Variants in DCDC1 observed in about 807,000 individuals in gnomAD.
DCDC1 encodes the protein doublecortin domain-containing protein 1.
In DCDC1, 200 loss-of-function variants were observed where a neutral mutation model predicts 178.3. The ratio of observed to expected loss-of-function variants is 1.12; its 90% CI spans 1.00 to 1.26. The LOEUF (loss-of-function observed/expected upper bound fraction) is 1.26. DCDC1 is among the 50% of genes most tolerant of loss of function. DCDC1 has a pLI of 0.00. For synonymous variants in DCDC1, 690 were observed against 604.8 expected (o/e 1.14, Z -2.07); for missense variants, 1,983 against 1,749.2 (o/e 1.13, Z -2.38).
chr11:31,306,480 A>T (rs998655888), intron 4 of DCDC1, 92 bp from the exon 5 acceptor site: 23 of 1,334,266 alleles, frequency 1.7e-5, no homozygotes, highest in Non-Finnish European at 2.2e-5. Context: ...AACAGATATA[A>T]GCACTAAAGA....
chr11:31,109,233 C>T (rs1591073494), intron 12 of DCDC1, among the ~76,000 whole-genome samples: 1 of 151,950 alleles, frequency 6.6e-6, no homozygotes, highest in African/African-American at 2.4e-5. Flanking sequence ...ATCCCCCCAC[C>T]TCAGCCCCCG....
intron 20 of DCDC1, among the ~76,000 whole-genome samples, chr11:31,011,750 C>G (rs777722736): frequency 2.0e-5 from 3 of 152,164 alleles, no homozygotes; most frequent in Non-Finnish European, 4.4e-5. Context: ...TCACACACCA[C>G]AAGACATGTC....
chr11:30,892,391 T>C (rs1943857251), intron 36 of DCDC1, among the ~76,000 whole-genome samples: 1 of 152,106 alleles, frequency 6.6e-6, no homozygotes, highest in African/African-American at 2.4e-5. Flanking sequence ...TAAAAAAAGT[T>C]ACTCTTGTGA....
chr11:31,061,580 G>A (rs896882204), intron 20 of DCDC1, among the ~76,000 whole-genome samples: 5 of 151,762 alleles, frequency 3.3e-5, no homozygotes, highest in Admixed American at 2.0e-4. Flanking sequence ...GAAGAAGAAG[G>A]CACCTGGAGC....
At chr11:31,262,755 CACA>C (rs1156320377) in intron 8 of DCDC1, 40 of 258,524 alleles carry the variant, frequency 1.5e-4, no homozygotes, top group Non-Finnish European at 1.2e-4. Context: ...TCATTTGATG[CACA>C]ACATCATAGA....
In DCDC1 at chr11:31,229,253, G is replaced by C. The variant is rs12578011; in HGVS notation, c.1221+12197C>G. Among the ~76,000 whole-genome samples, 2,759 of 152,102 alleles carry C rather than the reference G, an allele frequency of 0.018. 233 individuals carry two copies. In the East Asian group the frequency reaches 0.27, roughly 15 times the overall value. On this transcript the variant is annotated intron_variant, in intron 9 of 38. Coordinates refer to ENST00000684477, the MANE Select transcript of DCDC1 (RefSeq NM_001387274.1). ...AATACATCTCAACTCATTTGATGAA[G>C]CCAGCATTACCCTAATACCAAAATC...
intron 20 of DCDC1, among the ~76,000 whole-genome samples, chr11:31,026,864 C>T (rs1229827180): frequency 6.6e-6 from 1 of 151,716 alleles, no homozygotes; most frequent in Non-Finnish European, 1.5e-5. Context: ...TTTCTTAATT[C>T]ATTTGCTATA....
At chr11:30,885,103 G>A (rs944504823) in intron 36 of DCDC1, among the ~76,000 whole-genome samples, 78 of 152,064 alleles carry the variant, frequency 5.1e-4, no homozygotes, top group African/African-American at 1.8e-3. Context: ...GCTAGTATAT[G>A]TAAGATTTTA....
intron 20 of DCDC1, among the ~76,000 whole-genome samples, chr11:31,028,230 C>T (rs1422059202): frequency 6.6e-6 from 1 of 151,800 alleles, no homozygotes; most frequent in Non-Finnish European, 1.5e-5. Context: ...ATTCTTAATA[C>T]AAATGCATAA....
intron 9 of DCDC1, among the ~76,000 whole-genome samples, chr11:31,217,933 T>A (rs959644564): frequency 2.5e-4 from 38 of 152,274 alleles, no homozygotes; most frequent in South Asian, 2.1e-4. Context: ...ACAAAGATAG[T>A]GTGTCCAATC....
intron 9 of DCDC1, among the ~76,000 whole-genome samples, chr11:31,227,379 T>C (rs1287378163): frequency 6.6e-6 from 1 of 151,754 alleles, no homozygotes; most frequent in Non-Finnish European, 1.5e-5. Flanking sequence ...AACAACCAGG[T>C]CTCACGTGAA....
intron 36 of DCDC1, among the ~76,000 whole-genome samples, chr11:30,887,422 T>C (rs1358617709): frequency 6.6e-6 from 1 of 152,194 alleles, no homozygotes; most frequent in East Asian, 1.9e-4. Flanking sequence ...TTAAATTGGC[T>C]TCTTTTAACA....
In DCDC1 at chr11:31,091,408, A is replaced by G. The variant is rs760791586; in HGVS notation, c.2222T>C (p.Leu741Ser). The G allele has an allele frequency of 1.3e-6, 1 of 749,902 alleles. No individual in the cohort carries two copies. Among genetic ancestry groups the G allele is most frequent in the African/African-American group, 1.7e-5 (1 of 58,862 alleles). 46.5% of individuals were successfully genotyped at this position (749,902 alleles called of 1,614,324 possible). A position where few individuals can be genotyped will look rare whatever the true frequency, so the allele number is the denominator to read the frequency against. The part of the protein sequence containing the change: ...AEGTSLEGYK[L>S]ILQKRHSGDD... ...TAAGCATTACCTTTTCTGTAAGATT[A>G]ATTTATATCCTTCTAGTGATGTTCC... Residue 741 changes from leucine to serine, a missense_variant, in exon 17 of 39, where the codon TTA becomes TCA. By Grantham distance (145) the Leu-to-Ser change is moderately radical. Coordinates refer to ENST00000684477, the MANE Select transcript of DCDC1 (RefSeq NM_001387274.1).
At chr11:31,324,890 A>G (rs1459544187) in intron 3 of DCDC1, among the ~76,000 whole-genome samples, 1 of 152,164 alleles carries the variant, frequency 6.6e-6, no homozygotes, top group Non-Finnish European at 1.5e-5. Flanking sequence ...AGTAACCTAG[A>G]TAATGTACAA....
At chr11:31,222,353 A>G (rs1246965446) in intron 9 of DCDC1, among the ~76,000 whole-genome samples, 1 of 152,086 alleles carries the variant, frequency 6.6e-6, no homozygotes, top group Non-Finnish European at 1.5e-5. Context: ...GTGAGCCACC[A>G]CGCCTGGCCT....
chr11:30,987,101 C>T (rs1454958714), intron 20 of DCDC1, among the ~76,000 whole-genome samples: 1 of 152,160 alleles, frequency 6.6e-6, no homozygotes, highest in Non-Finnish European at 1.5e-5. Context: ...ACTGCAACCT[C>T]CACCTCCTGG....
chr11:31,221,214 T>C (rs1318131245), intron 9 of DCDC1, among the ~76,000 whole-genome samples: 1 of 152,180 alleles, frequency 6.6e-6, no homozygotes, highest in African/African-American at 2.4e-5. Flanking sequence ...GAGTCTCAAG[T>C]AAATATCATC....
chr11:31,244,210 T>A (rs1042428990), intron 8 of DCDC1, among the ~76,000 whole-genome samples: 10 of 151,782 alleles, frequency 6.6e-5, no homozygotes, highest in African/African-American at 2.4e-4. Flanking sequence ...AACATACTTT[T>A]AAAATATTAT....
chr11:30,921,065 T>A, intron 24 of DCDC1, 130 bp from the exon 25 acceptor site: 1 of 859,762 alleles, frequency 1.2e-6, no homozygotes, highest in Non-Finnish European at 1.7e-6. Context: ...GGTTACTTAT[T>A]AAACTCAGTT....
Sources: gnomAD v4.1 joint callset for allele counts (sites outside exome capture counted in the v4.1 genomes callset) on GRCh38, gnomAD v4.1.1 for gene constraint, MANE v1.5 for transcripts, NCBI Gene and HGNC (gene_info 2026-07-23, HGNC 2026-07-21) for gene names.